The following BACH2 variants were observed in gnomAD, a reference collection of about 807,000 sequenced individuals.
BACH2 encodes the protein transcription regulator protein BACH2.
BACH2 carries 5 observed loss-of-function variants against 61.8 expected under a neutral mutation model. That is an observed-to-expected ratio of 0.08 (90% CI 0.04 to 0.17). The LOEUF (loss-of-function observed/expected upper bound fraction) is 0.17. BACH2 is among the 10% of genes least tolerant of loss of function. The probability of loss-of-function intolerance (pLI) is 1.00; values close to 1 mark genes in which losing one functional copy is unlikely to be tolerated. For missense variants in BACH2, 824 were observed against 1,091.1 expected (o/e 0.76, Z 3.45); for synonymous variants, 446 against 440.1 (o/e 1.01, Z -0.17).
chr6:90,115,389 T>C (rs760665791), intron 4 of BACH2, among the ~76,000 whole-genome samples: 10 of 152,186 alleles, frequency 6.6e-5, no homozygotes, highest in Non-Finnish European at 1.3e-4. Flanking sequence ...CCATCTGATC[T>C]TTGACAAAGC....
At chr6:90,141,521 A>G (rs1426010805) in intron 4 of BACH2, among the ~76,000 whole-genome samples, 1 of 148,466 alleles carries the variant, frequency 6.7e-6, no homozygotes, top group African/African-American at 2.5e-5. Flanking sequence ...CAATGAATCT[A>G]TATTACCATA....
chr6:90,072,950 A>G (rs1283304981), intron 5 of BACH2, among the ~76,000 whole-genome samples: 1 of 152,188 alleles, frequency 6.6e-6, no homozygotes, highest in Non-Finnish European at 1.5e-5. Flanking sequence ...TCGTTAACAT[A>G]TTTCCTGTCC....
intron 4 of BACH2, chr6:90,117,025 C>A: frequency 2.9e-6 from 1 of 349,056 alleles, no homozygotes; most frequent in South Asian, 4.0e-5. Flanking sequence ...CCCACACTAA[C>A]TTGAAGTACT....
intron 5 of BACH2, among the ~76,000 whole-genome samples, chr6:90,039,541 C>A (rs560690352): frequency 6.6e-6 from 1 of 152,124 alleles, no homozygotes; most frequent in Admixed American, 6.5e-5. Flanking sequence ...CGTGCTACCA[C>A]GGCCGGCTAA....
rs143392314 is a variant in BACH2, at chr6:89,991,320, C to A, written c.243+17282G>T. Among the ~76,000 whole-genome samples, 245 of 152,300 alleles carry A rather than the reference C, an allele frequency of 1.6e-3. 1 individual carries two copies. The highest frequency in any genetic ancestry group is 5.8e-3 in the African/African-American group (240 of 41,564). Reference sequence around the variant, plus strand: ...TAATCCACAGAAAAGATGGAAGAATCATATATCCACCTACTTTTAGTCTGG... The same window carrying A: ...TAATCCACAGAAAAGATGGAAGAATAATATATCCACCTACTTTTAGTCTGG... On this transcript the variant is annotated intron_variant, in intron 6 of 8. Transcript: ENST00000257749.
chr6:90,012,906 G>A, intron 5 of BACH2, among the ~76,000 whole-genome samples: 1 of 152,002 alleles, frequency 6.6e-6, no homozygotes, highest in South Asian at 2.1e-4. Context: ...GTCTCTCCTC[G>A]GCCTCCCAAA....
At chr6:90,258,141 C>T (rs991195477) in intron 2 of BACH2, among the ~76,000 whole-genome samples, 5 of 152,162 alleles carry the variant, frequency 3.3e-5, no homozygotes, top group African/African-American at 9.7e-5. Flanking sequence ...TGACTACCAA[C>T]GCCAATGTCC....
chr6:90,184,942 C>T (rs1017619347), intron 4 of BACH2, among the ~76,000 whole-genome samples: 3 of 152,170 alleles, frequency 2.0e-5, no homozygotes, highest in African/African-American at 7.2e-5. Context: ...TATGTTAGCT[C>T]CATGGCCTGT....
intron 4 of BACH2, 64 bp from the exon 5 acceptor site, chr6:90,089,173 T>C (rs1582339631): frequency 6.6e-6 from 1 of 152,192 alleles, no homozygotes; most frequent in Non-Finnish European, 1.5e-5. Flanking sequence ...TTTCCCCCTC[T>C]CTCCTGCTAT....
chr6:90,050,707 T>C (rs1040072826), intron 5 of BACH2, among the ~76,000 whole-genome samples: 4 of 152,172 alleles, frequency 2.6e-5, no homozygotes, highest in African/African-American at 9.7e-5. Context: ...AATGTTCAGT[T>C]TTAATTTCTA....
At chr6:89,983,531 TGGTGGCA>T (rs1776070349) in intron 6 of BACH2, among the ~76,000 whole-genome samples, 2 of 152,158 alleles carry the variant, frequency 1.3e-5, no homozygotes, top group African/African-American at 4.8e-5. Context: ...TAGCCGGGTG[TGGTGGCA>T]GGCATCTGTA....
chr6:90,089,289 G>A (rs953998386), intron 4 of BACH2, among the ~76,000 whole-genome samples, 180 bp from the exon 5 acceptor site: 1 of 151,990 alleles, frequency 6.6e-6, no homozygotes, highest in Non-Finnish European at 1.5e-5. Flanking sequence ...ACCATAGCCC[G>A]TGGTAGAAAC....
chr6:90,185,693 G>A (rs1486648744), intron 4 of BACH2, among the ~76,000 whole-genome samples: 2 of 152,124 alleles, frequency 1.3e-5, no homozygotes, highest in African/African-American at 4.8e-5. Context: ...ATGAGGGTTG[G>A]GGAAGGCCAG....
intron 7 of BACH2, among the ~76,000 whole-genome samples, chr6:89,939,665 T>C (rs1369659102): frequency 1.2e-4 from 15 of 126,672 alleles, no homozygotes; most frequent in Non-Finnish European, 2.6e-4. Flanking sequence ...TCTTTTTTTT[T>C]TTTTTTTTTT....
At chr6:90,116,795 C>A in intron 4 of BACH2, 1 of 485,564 alleles carries the variant, frequency 2.1e-6, no homozygotes, top group Non-Finnish European at 3.7e-6. Flanking sequence ...AGAATAGGTC[C>A]CTGGATACAC....
intron 2 of BACH2, among the ~76,000 whole-genome samples, chr6:90,270,353 A>G (rs998140453): frequency 1.4e-4 from 22 of 152,200 alleles, no homozygotes; most frequent in African/African-American, 5.3e-4. Flanking sequence ...AGACTCATCC[A>G]AAAAGCTCCT....
intron 4 of BACH2, among the ~76,000 whole-genome samples, chr6:90,192,548 C>G (rs992891173): frequency 6.6e-6 from 1 of 152,056 alleles, no homozygotes; most frequent in Admixed American, 6.5e-5. Flanking sequence ...GTTATACAAC[C>G]GTCTTCTGCA....
chr6:89,952,994 C>G (rs1774222258), intron 6 of BACH2: 1 of 152,228 alleles, frequency 6.6e-6, no homozygotes, highest in African/African-American at 2.4e-5. Context: ...TGACGCATGT[C>G]TACAAATCCT....
At chr6:90,216,429 G>C (rs776116930) in intron 3 of BACH2, among the ~76,000 whole-genome samples, 54 of 152,302 alleles carry the variant, frequency 3.5e-4, no homozygotes, top group South Asian at 6.2e-4. Context: ...CTGAGGGGAA[G>C]TTCCCTTTCT....
Sources: gnomAD v4.1 joint callset for allele counts (sites outside exome capture counted in the v4.1 genomes callset) on GRCh38, gnomAD v4.1.1 for gene constraint, MANE v1.5 for transcripts, NCBI Gene and HGNC (gene_info 2026-07-23, HGNC 2026-07-21) for gene names.